The following ESRP1 variants were observed in gnomAD, a reference collection of about 807,000 sequenced individuals.
ESRP1 encodes RNA-binding motif protein 35A.
ESRP1 carries 33 observed loss-of-function variants against 81.7 expected under a neutral mutation model. The observed-to-expected ratio is 0.40, with a 90% confidence interval of 0.31 to 0.54. The LOEUF (loss-of-function observed/expected upper bound fraction) is 0.54, where lower values mean the gene tolerates loss of function less well. Ranked by LOEUF, ESRP1 falls within the 20% of genes least tolerant of loss-of-function variation. The probability of loss-of-function intolerance (pLI) is 0.41; values close to 1 mark genes in which losing one functional copy is unlikely to be tolerated. For synonymous variants in ESRP1, 320 were observed against 303.3 expected, an observed-to-expected ratio of 1.06 and a Z score of -0.57; for missense variants, 672 against 833.1, an observed-to-expected ratio of 0.81 and a Z score of 2.38.
At chr8:94,673,409 T>C (rs1311574832) in intron 11 of ESRP1, among the ~76,000 whole-genome samples, 1 of 152,210 alleles carries the variant, frequency 6.6e-6, no homozygotes, top group Admixed American at 6.5e-5. Context: ...GGTTTGTTGC[T>C]AGTTTCCCTG....
Position 94,668,232 on chromosome 8 carries a change from A to G in ESRP1, c.1215A>G (p.Thr405=), listed in dbSNP as rs753525854. The change falls in exon 10 of 16, where the codon ACA becomes ACG. Residue 405 remains threonine (T), a synonymous_variant. Coordinates refer to ENST00000433389, the MANE Select transcript of ESRP1 (RefSeq NM_017697.4). ...GKRYIELFRS[T]AAEVQQVLNR... Reference sequence around the variant, plus strand: ...GATACATTGAACTCTTCAGGAGCACAGCAGCTGAAGTTCAGCAGGTTGGTT... The same window carrying G: ...GATACATTGAACTCTTCAGGAGCACGGCAGCTGAAGTTCAGCAGGTTGGTT... 1 of 1,586,898 alleles carries G rather than the reference A, an allele frequency of 6.3e-7. No individual in the cohort carries two copies. Among genetic ancestry groups the G allele is most frequent in the African/African-American group, 1.3e-5 (1 of 74,170 alleles).
At chr8:94,699,266 C>T (rs566221528) in intron 15 of ESRP1, among the ~76,000 whole-genome samples, 13 of 152,068 alleles carry the variant, frequency 8.5e-5, no homozygotes, top group East Asian at 1.9e-4. Flanking sequence ...ACAGATCGGG[C>T]GCTGTGTTCA....
intron 12 of ESRP1, among the ~76,000 whole-genome samples, chr8:94,675,398 G>T (rs1172775070): frequency 1.3e-5 from 2 of 152,170 alleles, no homozygotes; most frequent in Non-Finnish European, 2.9e-5. Flanking sequence ...TAATAAGATG[G>T]ACCTATACTA....
At chr8:94,665,409 A>G (rs1429387282) in intron 9 of ESRP1, among the ~76,000 whole-genome samples, 3 of 152,206 alleles carry the variant, frequency 2.0e-5, no homozygotes, top group Non-Finnish European at 4.4e-5. Context: ...CCAACTTACT[A>G]TAGTTAAATA....
At position 94,688,989 on chromosome 8, in the gene ESRP1, G is replaced by A. The variant is rs192123795; in HGVS notation, c.1821-3688G>A. Among the ~76,000 whole-genome samples, 38 of 152,170 alleles carry A rather than the reference G, an allele frequency of 2.5e-4. No individual in the cohort carries two copies. The East Asian group carries it at 5.8e-3, about 23-fold the overall frequency. On this transcript the variant is annotated intron_variant, in intron 13 of 15. Coordinates refer to ENST00000433389, the MANE Select transcript of ESRP1 (RefSeq NM_017697.4). ...TTCTTACCCAGGCATGGTGGCTCAC[G>A]CCTGTAATCCCAACACTTTGAGAGG... is the stretch of plus-strand genomic sequence containing the variant.
At chr8:94,659,618 G>GTT (rs1436494924) in intron 4 of ESRP1, among the ~76,000 whole-genome samples, 1 of 152,204 alleles carries the variant, frequency 6.6e-6, no homozygotes, top group African/African-American at 2.4e-5. Context: ...AGGAAGGCAT[G>GTT]TCAAAAGCTA....
chr8:94,685,330 T>A (rs909625003), intron 13 of ESRP1, among the ~76,000 whole-genome samples: 1 of 152,178 alleles, frequency 6.6e-6, no homozygotes, highest in South Asian at 2.1e-4. Flanking sequence ...AAATAGACAA[T>A]ATATGTCAGG....
rs1234175461 is a variant in ESRP1 at position 94,664,923 on chromosome 8, A to T, written c.756-4A>T. 15 of 1,610,868 alleles carry T rather than the reference A, an allele frequency of 9.3e-6. No individual in the cohort carries two copies. The highest frequency in any genetic ancestry group is 1.1e-5 in the South Asian group (1 of 90,646). Reference sequence around the variant, plus strand: ...ACCTGCTGTCTGTTTTATTATTCTCAAAGGGGAGGTGCAGCACTTTGTCTG... The same window carrying T: ...ACCTGCTGTCTGTTTTATTATTCTCTAAGGGGAGGTGCAGCACTTTGTCTG... On this transcript the variant is annotated splice_polypyrimidine_tract_variant and splice_region_variant and intron_variant, in intron 7 of 15. Transcript: ENST00000433389.
At chr8:94,663,990 T>C (rs1035554995) in intron 6 of ESRP1, among the ~76,000 whole-genome samples, 1 of 152,194 alleles carries the variant, frequency 6.6e-6, no homozygotes, top group African/African-American at 2.4e-5. Flanking sequence ...ATTCTGATCC[T>C]AAATTCGGCT....
At chr8:94,703,413 G>T (rs990389332) in intron 15 of ESRP1, among the ~76,000 whole-genome samples, 11 of 152,082 alleles carry the variant, frequency 7.2e-5, no homozygotes, top group African/African-American at 2.4e-4. Flanking sequence ...CCTTCCCAAA[G>T]TGCTGGGATT....
chr8:94,677,794 G>T (rs1340360014), intron 12 of ESRP1, among the ~76,000 whole-genome samples: 1 of 152,172 alleles, frequency 6.6e-6, no homozygotes, highest in Non-Finnish European at 1.5e-5. Flanking sequence ...TAGCAAGAGG[G>T]AGTAGAAGCA....
chr8:94,660,830 G>T (rs1818707604), intron 4 of ESRP1, among the ~76,000 whole-genome samples: 1 of 151,226 alleles, frequency 6.6e-6, no homozygotes, highest in African/African-American at 2.4e-5. Context: ...AGCATCACAG[G>T]CTACCGAATC....
chr8:94,654,348 G>A (rs189032410), intron 4 of ESRP1, among the ~76,000 whole-genome samples: 44 of 152,224 alleles, frequency 2.9e-4, no homozygotes, highest in African/African-American at 9.9e-4. Flanking sequence ...TTTTAAAATG[G>A]GAGTTTGGAA....
chr8:94,642,427 C>T (rs1055055178), intron 2 of ESRP1, among the ~76,000 whole-genome samples: 4 of 152,234 alleles, frequency 2.6e-5, no homozygotes, highest in Admixed American at 1.3e-4. Flanking sequence ...ACCCCAGACG[C>T]GCCGCTCCCC....
At chr8:94,699,925 T>C (rs1809754852) in intron 15 of ESRP1, among the ~76,000 whole-genome samples, 1 of 152,128 alleles carries the variant, frequency 6.6e-6, no homozygotes, top group East Asian at 1.9e-4. Flanking sequence ...ACCGCCTCCT[T>C]ATCAATATCA....
At chr8:94,693,465 G>A (rs969681290) in intron 14 of ESRP1, among the ~76,000 whole-genome samples, 1 of 152,208 alleles carries the variant, frequency 6.6e-6, no homozygotes, top group Non-Finnish European at 1.5e-5. Context: ...TTTTTAGTAA[G>A]AGTTCTTTAA....
chr8:94,700,090 A>AT (rs1809761763), intron 15 of ESRP1, among the ~76,000 whole-genome samples: 1 of 152,228 alleles, frequency 6.6e-6, no homozygotes, highest in South Asian at 2.1e-4. Flanking sequence ...TACACAAGTC[A>AT]TACAGCTAAT....
At chr8:94,699,151 A>G (rs1809716568) in intron 15 of ESRP1, among the ~76,000 whole-genome samples, 1 of 152,206 alleles carries the variant, frequency 6.6e-6, no homozygotes, top group South Asian at 2.1e-4. Context: ...TGGAAATGGA[A>G]GCTTTTGACA....
chr8:94,646,709 T>C (rs570098096), intron 4 of ESRP1, among the ~76,000 whole-genome samples: 1 of 152,346 alleles, frequency 6.6e-6, no homozygotes, highest in Non-Finnish European at 1.5e-5. Flanking sequence ...TGCTGTTCAC[T>C]GGTCCCGCTT....
Sources: gnomAD v4.1 joint callset for allele counts (sites outside exome capture counted in the v4.1 genomes callset) on GRCh38, gnomAD v4.1.1 for gene constraint, MANE v1.5 for transcripts, NCBI Gene and HGNC (gene_info 2026-07-23, HGNC 2026-07-21) for gene names.